Variants in ST6GAL1 observed in about 807,000 individuals in gnomAD.
ST6GAL1 encodes ST6 beta-galactoside alpha-2,6-sialyltransferase 1, also known as beta-galactoside alpha-2,6-sialyltransferase 1.
ST6GAL1 carries 20 observed loss-of-function variants against 38.0 expected under a neutral mutation model. That is an observed-to-expected ratio of 0.53 (90% CI 0.37 to 0.77). ST6GAL1 has a LOEUF of 0.77. ST6GAL1 is among the 30% of genes least tolerant of loss of function. The pLI is 0.00. For missense variants in ST6GAL1, 432 were observed against 496.4 expected, an observed-to-expected ratio of 0.87 and a Z score of 1.23; for synonymous variants, 196 against 188.2, an observed-to-expected ratio of 1.04 and a Z score of -0.34.
intron 3 of ST6GAL1, among the ~76,000 whole-genome samples, chr3:187,042,119 G>T (rs1224404917): frequency 2.0e-5 from 3 of 152,106 alleles, no homozygotes; most frequent in African/African-American, 7.2e-5. Context: ...ATAACGAGAA[G>T]TCTTTTTCTG....
chr3:187,068,488 C>A (rs553114647), intron 5 of ST6GAL1, among the ~76,000 whole-genome samples: 20 of 152,262 alleles, frequency 1.3e-4, no homozygotes, highest in African/African-American at 4.6e-4. Context: ...AACATATTAA[C>A]ACTTACTTCC....
intron 5 of ST6GAL1, chr3:187,072,227 G>C (rs953515275): frequency 6.5e-6 from 1 of 153,476 alleles, no homozygotes; most frequent in Non-Finnish European, 1.5e-5. Context: ...TCACCAGCCC[G>C]GTGAGGGTCT....
At chr3:187,060,405 C>T (rs1167660982) in intron 5 of ST6GAL1, among the ~76,000 whole-genome samples, 2 of 152,210 alleles carry the variant, frequency 1.3e-5, no homozygotes, top group Admixed American at 1.3e-4. Flanking sequence ...AGGTGATCCA[C>T]CTGCCTCAGC....
intron 2 of ST6GAL1, among the ~76,000 whole-genome samples, chr3:186,974,574 G>T (rs572407513): frequency 6.6e-6 from 1 of 152,060 alleles, no homozygotes; most frequent in Non-Finnish European, 1.5e-5. Flanking sequence ...CCACAATCCA[G>T]TTATAGAACA....
intron 5 of ST6GAL1, chr3:187,064,748 T>C: frequency 2.6e-6 from 1 of 385,104 alleles, no homozygotes; most frequent in Non-Finnish European, 5.2e-6. Context: ...CTTTCTATCA[T>C]TGCCCTTTCT....
At chr3:186,942,006 C>T (rs62292583) in intron 1 of ST6GAL1, among the ~76,000 whole-genome samples, 13,164 of 149,400 alleles carry the variant, frequency 0.088, 755 homozygotes, top group Non-Finnish European at 0.13. Flanking sequence ...AGCAAGACTC[C>T]GTCTCAAAAA....
At chr3:187,026,568 T>C (rs563514706) in intron 2 of ST6GAL1, among the ~76,000 whole-genome samples, 76 of 152,276 alleles carry the variant, frequency 5.0e-4, no homozygotes, top group African/African-American at 1.7e-3. Context: ...AGACACAAGG[T>C]TCACAGAAAC....
intron 2 of ST6GAL1, among the ~76,000 whole-genome samples, chr3:186,974,709 T>G (rs953137847): frequency 1.4e-5 from 2 of 137,952 alleles, no homozygotes; most frequent in African/African-American, 5.5e-5. Context: ...TCAATTAGTA[T>G]TTACTGAGAG....
intron 3 of ST6GAL1, among the ~76,000 whole-genome samples, chr3:187,041,477 C>T (rs1718122177): frequency 6.6e-6 from 1 of 152,204 alleles, no homozygotes; most frequent in African/African-American, 2.4e-5. Context: ...CAAAGTGCTT[C>T]CAGTTTCCAT....
chr3:186,963,788 AG>A lies in ST6GAL1; in HGVS notation c.-317del, dbSNP rs1320522956. On this transcript the variant is annotated 5_prime_UTR_variant, in exon 2 of 8. Coordinates refer to ENST00000169298, the MANE Select transcript of ST6GAL1 (RefSeq NM_173216.2). Reference sequence around the variant, plus strand: ...GTTGTTTTTTAACCCTCTGCAGGCAAGGGGAGAGCCAGTTGCGCAGAGCCCT... The same window carrying A: ...GTTGTTTTTTAACCCTCTGCAGGCAAGGGAGAGCCAGTTGCGCAGAGCCCT... 1 of 152,258 alleles carries A rather than the reference AG, an allele frequency of 6.6e-6. No homozygotes were observed. The highest frequency in any genetic ancestry group is 1.5e-5 in the Non-Finnish European group (1 of 68,108). 9.4% of individuals were successfully genotyped at this position (152,258 alleles called of 1,614,324 possible). A position where few individuals can be genotyped will look rare whatever the true frequency, so the allele number is the denominator to read the frequency against.
At chr3:187,031,367 G>A (rs1024605959) in intron 2 of ST6GAL1, among the ~76,000 whole-genome samples, 15 of 152,168 alleles carry the variant, frequency 9.9e-5, no homozygotes, top group East Asian at 5.8e-4. Flanking sequence ...TTCCCTGTTT[G>A]TAAAAATGGG....
intron 2 of ST6GAL1, chr3:186,986,349 A>G (rs773392314): frequency 2.6e-5 from 4 of 152,246 alleles, no homozygotes; most frequent in African/African-American, 7.2e-5. Context: ...CCTGGCACAT[A>G]GTGTTGAATA....
At chr3:187,020,931 G>T (rs1015844348) in intron 2 of ST6GAL1, among the ~76,000 whole-genome samples, 4 of 152,018 alleles carry the variant, frequency 2.6e-5, no homozygotes, top group Non-Finnish European at 5.9e-5. Context: ...AAGTGGGGGA[G>T]GGTGCGGTGT....
chr3:187,020,927 G>T (rs1717273242), intron 2 of ST6GAL1, among the ~76,000 whole-genome samples: 1 of 152,010 alleles, frequency 6.6e-6, no homozygotes, highest in Non-Finnish European at 1.5e-5. Context: ...CTCAAAGTGG[G>T]GGAGGGTGCG....
At chr3:186,986,988 A>C (rs1232000621) in intron 2 of ST6GAL1, among the ~76,000 whole-genome samples, 1 of 151,946 alleles carries the variant, frequency 6.6e-6, no homozygotes, top group African/African-American at 2.4e-5. Context: ...AAAAAAAGTG[A>C]TATACAGTGA....
chr3:186,962,267 C>T (rs1179623417), intron 1 of ST6GAL1, among the ~76,000 whole-genome samples: 1 of 152,178 alleles, frequency 6.6e-6, no homozygotes, highest in African/African-American at 2.4e-5. Flanking sequence ...TTCCCCTGGA[C>T]ACCGTCCTTG....
At chr3:187,003,390 C>T (rs990799526) in intron 2 of ST6GAL1, among the ~76,000 whole-genome samples, 1 of 152,192 alleles carries the variant, frequency 6.6e-6, no homozygotes, top group Non-Finnish European at 1.5e-5. Flanking sequence ...CATTGAAACA[C>T]CCAGAATATT....
intron 2 of ST6GAL1, among the ~76,000 whole-genome samples, chr3:186,978,513 G>C (rs1161100776): frequency 6.6e-6 from 1 of 152,182 alleles, no homozygotes; most frequent in Non-Finnish European, 1.5e-5. Flanking sequence ...CCAGGGGTTA[G>C]CTGGGTGGAT....
At chr3:186,932,576 G>C (rs894478652) in intron 1 of ST6GAL1, among the ~76,000 whole-genome samples, 1 of 152,144 alleles carries the variant, frequency 6.6e-6, no homozygotes, top group Non-Finnish European at 1.5e-5. Context: ...CCTCAAATTG[G>C]AATAAGGCCA....
Sources: allele counts gnomAD v4.1 joint callset (sites outside exome capture counted in the v4.1 genomes callset), GRCh38; gene constraint gnomAD v4.1.1; transcripts MANE v1.5; gene names NCBI Gene and HGNC (gene_info 2026-07-23, HGNC 2026-07-21).